OPCML: variants seen among roughly 807,000 people sequenced by gnomAD.
OPCML encodes the protein opioid-binding protein/cell adhesion molecule.
In OPCML, 13 loss-of-function variants were observed where a neutral mutation model predicts 37.8. The observed-to-expected ratio is 0.34, with a 90% CI of 0.22 to 0.55. The LOEUF is 0.55. OPCML is among the 20% of genes least tolerant of loss of function. The pLI is 0.91. For synonymous variants in OPCML, 176 were observed against 168.8 expected (o/e 1.04, Z -0.33); for missense variants, 341 against 435.6 (o/e 0.78, Z 1.93).
chr11:132,910,849 A>G (rs2725428), intron 2 of OPCML, among the ~76,000 whole-genome samples: 12,997 of 152,154 alleles, frequency 0.085, 658 homozygotes, highest in Middle Eastern at 0.17. Flanking sequence ...CTTCTTACAA[A>G]CCCTCAGGAC....
chr11:133,469,625 G>A (rs893415376), intron 1 of OPCML, among the ~76,000 whole-genome samples: 6 of 152,134 alleles, frequency 3.9e-5, no homozygotes, highest in Admixed American at 1.3e-4. Context: ...AAGGCCTTGA[G>A]GAGTTCTCAT....
intron 2 of OPCML, among the ~76,000 whole-genome samples, chr11:132,693,186 G>C (rs1943471172): frequency 6.6e-6 from 1 of 152,104 alleles, no homozygotes; most frequent in African/African-American, 2.4e-5. Flanking sequence ...GAGCAAATAA[G>C]GATAATTAAA....
chr11:132,485,018 T>C (rs2096194913), intron 4 of OPCML, among the ~76,000 whole-genome samples: 2 of 152,096 alleles, frequency 1.3e-5, no homozygotes, highest in African/African-American at 4.8e-5. Flanking sequence ...TGTATACATA[T>C]GTAACTAACC....
intron 4 of OPCML, among the ~76,000 whole-genome samples, chr11:132,509,857 G>A (rs2096265148): frequency 6.6e-6 from 1 of 152,232 alleles, no homozygotes; most frequent in Non-Finnish European, 1.5e-5. Context: ...CCCACCTAGA[G>A]TCCCTACTGG....
At position 133,421,030 on chromosome 11, in the gene OPCML, G is replaced by T. The variant is rs1371237154; in HGVS notation, c.61+111234C>A. On this transcript the variant is annotated intron_variant, in intron 1 of 7. Coordinates refer to ENST00000524381, the MANE Select transcript of OPCML (RefSeq NM_001012393.5). The stretch of plus-strand genomic sequence containing the variant: ...TAAACTAAAATAGGAGAGAATCATG[G>T]GGTGTAGATTTTGTCCTGAGATCAA... 9.1e-6 allele frequency: 9 copies of T among 985,202 alleles called. No homozygotes were observed. The African/African-American group carries it at 1.6e-4, about 17-fold the overall frequency. 61.0% of individuals were successfully genotyped at this position (985,202 alleles called of 1,614,324 possible). A position where few individuals can be genotyped will look rare whatever the true frequency, so the allele number is the denominator to read the frequency against.
intron 1 of OPCML, among the ~76,000 whole-genome samples, chr11:133,439,712 C>A (rs1486973811): frequency 6.6e-6 from 1 of 151,942 alleles, no homozygotes; most frequent in Non-Finnish European, 1.5e-5. Context: ...CGTGATCCAC[C>A]CGCCTTGGCC....
intron 1 of OPCML, among the ~76,000 whole-genome samples, chr11:133,099,934 T>C (rs191903054): frequency 6.6e-6 from 1 of 152,286 alleles, no homozygotes; most frequent in Non-Finnish European, 1.5e-5. Flanking sequence ...GGTCCATCAA[T>C]GGTGGACTGA....
At chr11:132,449,395 C>G (rs1480979491) in intron 4 of OPCML, among the ~76,000 whole-genome samples, 2 of 152,154 alleles carry the variant, frequency 1.3e-5, no homozygotes, top group African/African-American at 4.8e-5. Context: ...ATAGGTATAA[C>G]TAATCATCCA....
At chr11:133,061,905 GGGT>G (rs1005412949) in intron 1 of OPCML, among the ~76,000 whole-genome samples, 4 of 152,086 alleles carry the variant, frequency 2.6e-5, no homozygotes, top group African/African-American at 9.7e-5. Context: ...ATTGAGGTGG[GGGT>G]GGGGGCTGAA....
At chr11:132,942,779 A>T in intron 2 of OPCML, 147 bp downstream of exon 2, 1 of 1,005,204 alleles carries the variant, frequency 9.9e-7, no homozygotes, top group Non-Finnish European at 1.5e-6. Context: ...GGCAGTCGGC[A>T]CGGCAGCACG....
At chr11:132,570,791 A>ATATATATATATATATC (rs2096436051) in intron 3 of OPCML, among the ~76,000 whole-genome samples, 1 of 124,516 alleles carries the variant, frequency 8.0e-6, no homozygotes, top group South Asian at 2.6e-4. Flanking sequence ...ATATATATAT[A>ATATATATATATATATC]TATATATATA....
At chr11:132,488,789 A>G (rs1168584833) in intron 4 of OPCML, among the ~76,000 whole-genome samples, 2 of 152,194 alleles carry the variant, frequency 1.3e-5, no homozygotes, top group Non-Finnish European at 2.9e-5. Flanking sequence ...CATGGTTTTC[A>G]TTGGGTAGAT....
intron 2 of OPCML, among the ~76,000 whole-genome samples, chr11:132,922,130 G>A (rs1347471642): frequency 1.3e-5 from 2 of 151,876 alleles, no homozygotes; most frequent in Non-Finnish European, 2.9e-5. Context: ...CACCCGCCTC[G>A]GCCTCCCAAA....
intron 2 of OPCML, among the ~76,000 whole-genome samples, chr11:132,745,462 T>G (rs1945940): frequency 0.46 from 69,648 of 151,312 alleles, 17,035 homozygotes; most frequent in Non-Finnish European, 0.54. Context: ...TTTTGAAAAA[T>G]TGCATTAGCT....
At chr11:133,522,684 C>T (rs186294419) in intron 1 of OPCML, among the ~76,000 whole-genome samples, 5 of 152,240 alleles carry the variant, frequency 3.3e-5, no homozygotes, top group South Asian at 2.1e-4. Flanking sequence ...TGATATGACA[C>T]GCGACAGGTG....
chr11:133,274,698 C>G (rs1033625027), intron 1 of OPCML, among the ~76,000 whole-genome samples: 2 of 152,196 alleles, frequency 1.3e-5, no homozygotes, highest in African/African-American at 4.8e-5. Flanking sequence ...GCCCCAACTT[C>G]CAGGAGCACA....
chr11:133,463,207 A>C lies in OPCML; in HGVS notation c.61+69057T>G, dbSNP rs1310218564. 2.0e-5 allele frequency among the ~76,000 whole-genome samples: 3 copies of C among 152,046 alleles called. No homozygotes were observed. In the East Asian group the frequency reaches 5.8e-4, roughly 29 times the overall value. ...AAAAAAATAGAAAGAAAATAAATGA[A>C]GAGGTAAAAAGTGGAATGATAGTCA... On this transcript the variant is annotated intron_variant, in intron 1 of 7. Transcript: ENST00000524381.
At chr11:133,121,080 G>C (rs1949413139) in intron 1 of OPCML, among the ~76,000 whole-genome samples, 1 of 152,098 alleles carries the variant, frequency 6.6e-6, no homozygotes, top group Admixed American at 6.5e-5. Flanking sequence ...GTGTCACCAT[G>C]TCTGGCTAAT....
intron 3 of OPCML, among the ~76,000 whole-genome samples, chr11:132,537,947 CT>C: frequency 6.6e-6 from 1 of 152,266 alleles, no homozygotes; most frequent in East Asian, 1.9e-4. Flanking sequence ...AATTAATAGA[CT>C]AATACAGTTG....
Sources: gnomAD v4.1 joint callset for allele counts (sites outside exome capture counted in the v4.1 genomes callset) on GRCh38, gnomAD v4.1.1 for gene constraint, MANE v1.5 for transcripts, NCBI Gene and HGNC (gene_info 2026-07-23, HGNC 2026-07-21) for gene names.